The following PKD1L1 variants were observed in gnomAD, a reference collection of about 807,000 sequenced individuals.
The protein encoded by PKD1L1 is polycystin-1-like protein 1.
PKD1L1 carries 236 observed loss-of-function variants against 323.4 expected under a neutral mutation model. The ratio of observed to expected loss-of-function variants is 0.73; its 90% confidence interval spans 0.66 to 0.81. PKD1L1 has a LOEUF of 0.81. Among genes scored for constraint, PKD1L1 ranks in the 40% least tolerant of loss-of-function variants. The pLI is 0.00. For synonymous variants in PKD1L1, 1,344 were observed against 1,335.0 expected (o/e 1.01, Z -0.15); for missense variants, 3,320 against 3,508.0 (o/e 0.95, Z 1.35).
rs2128748641 is a variant in PKD1L1 at position 47,890,436 on chromosome 7, A to T, written c.2675+106T>A. 10 of 1,172,832 alleles carry T rather than the reference A, an allele frequency of 8.5e-6. No homozygotes were observed. The South Asian group carries it at 1.4e-4, about 17-fold the overall frequency. The allele number at this position is 1,172,832 out of a possible 1,614,324, so 72.7% of individuals were successfully genotyped here. A position where few individuals can be genotyped will look rare whatever the true frequency, so the allele number is the denominator to read the frequency against. On this transcript the variant is annotated intron_variant, in intron 16 of 56. Coordinates refer to ENST00000289672, the MANE Select transcript of PKD1L1 (RefSeq NM_138295.5). ...TTGCAGTGAGAATCCTGCATGGCCA[A>T]ACTCCAAACTGCTTGCTGTGCACAG...
intron 1 of PKD1L1, 122 bp downstream of exon 1, chr7:47,948,275 A>T: frequency 8.8e-7 from 1 of 1,137,302 alleles, no homozygotes; most frequent in South Asian, 1.3e-5. Flanking sequence ...CTCCTGGTAC[A>T]GGGCCTCCAC....
chr7:47,871,122 C>T (rs1484378531), intron 24 of PKD1L1, among the ~76,000 whole-genome samples: 2 of 151,974 alleles, frequency 1.3e-5, no homozygotes, highest in African/African-American at 4.8e-5. Flanking sequence ...CAAAAATCCT[C>T]AGAAAAGTAC....
At chr7:47,824,634 T>A (rs543187033) in intron 45 of PKD1L1, among the ~76,000 whole-genome samples, 93 of 152,196 alleles carry the variant, frequency 6.1e-4, no homozygotes, top group Non-Finnish European at 1.0e-3. Context: ...TGGATTGCCT[T>A]TCCCTTGTTT....
intron 21 of PKD1L1, among the ~76,000 whole-genome samples, chr7:47,878,305 T>C (rs188863097): frequency 6.6e-6 from 1 of 152,356 alleles, no homozygotes; most frequent in Non-Finnish European, 1.5e-5. Flanking sequence ...TTAAACATTT[T>C]GCTTATTTTC....
chr7:47,809,904 C>T (rs1784858390), intron 50 of PKD1L1: 1 of 232,294 alleles, frequency 4.3e-6, no homozygotes, highest in African/African-American at 2.2e-5. Context: ...TCCAGTCCTT[C>T]CTTGGCACTG....
At chr7:47,896,444 T>C (rs1465386570) in intron 14 of PKD1L1, among the ~76,000 whole-genome samples, 1 of 151,616 alleles carries the variant, frequency 6.6e-6, no homozygotes, top group Non-Finnish European at 1.5e-5. Context: ...GGGGGCGTAA[T>C]GAGGCATATC....
intron 56 of PKD1L1, among the ~76,000 whole-genome samples, chr7:47,785,885 G>A (rs1012208749): frequency 6.6e-6 from 1 of 151,908 alleles, no homozygotes; most frequent in Non-Finnish European, 1.5e-5. Context: ...GGGATTATAG[G>A]CGCCCATCAC....
At chr7:47,866,936 C>T (rs576666238) in intron 24 of PKD1L1, among the ~76,000 whole-genome samples, 7 of 152,240 alleles carry the variant, frequency 4.6e-5, no homozygotes, top group East Asian at 1.9e-4. Context: ...TACAGCTGGC[C>T]GGAGTTTATG....
intron 7 of PKD1L1, 39 bp downstream of exon 7, chr7:47,929,165 T>C (rs772086073): frequency 2.5e-6 from 4 of 1,581,102 alleles, no homozygotes; most frequent in Non-Finnish European, 3.5e-6. Flanking sequence ...GCTCAGGACC[T>C]CCTTCCCAGG....
At chr7:47,827,072 C>T (rs188229442) in intron 45 of PKD1L1, among the ~76,000 whole-genome samples, 1 of 152,354 alleles carries the variant, frequency 6.6e-6, no homozygotes, top group Non-Finnish European at 1.5e-5. Context: ...AGCTGAGGCC[C>T]AGAGGAGGAA....
intron 17 of PKD1L1, among the ~76,000 whole-genome samples, chr7:47,887,503 A>G (rs774549733): frequency 1.3e-5 from 2 of 152,212 alleles, no homozygotes; most frequent in Non-Finnish European, 2.9e-5. Context: ...GTGAAATAGT[A>G]GGATCCTCAT....
In PKD1L1 at chr7:47,940,244, C is replaced by T; in HGVS notation, c.234G>A (p.Lys78=). 6.2e-7 allele frequency: 1 copy of T among 1,614,136 alleles called. No homozygotes were observed. The highest frequency in any genetic ancestry group is 1.1e-5 in the South Asian group (1 of 91,076). The stretch of plus-strand genomic sequence containing the variant: ...GGCTCTGTGATTCCCGGTCTTCTGC[C>T]TTTCCATTCAGAGCACACCAAGGAC... ...CGCPWCALNG[K]AEDRESQSPS... is the part of the protein sequence containing the mutation. The change falls in exon 3 of 57, where the codon AAG becomes AAA. Residue 78 remains lysine, a synonymous_variant. Transcript: ENST00000289672.
intron 20 of PKD1L1, 127 bp from the exon 21 acceptor site, chr7:47,880,932 C>T: frequency 1.7e-6 from 1 of 572,890 alleles, no homozygotes; most frequent in South Asian, 2.5e-5. Flanking sequence ...ACTAGTGAAA[C>T]ATGCCACTCC....
chr7:47,895,235 C>CA (rs1786910077), intron 14 of PKD1L1, among the ~76,000 whole-genome samples: 1 of 152,186 alleles, frequency 6.6e-6, no homozygotes, highest in South Asian at 2.1e-4. Context: ...AGAAGGTCTC[C>CA]AAGACCTAGA....
Position 47,932,072 on chromosome 7 carries a change from A to G in PKD1L1, c.399-16T>C. On this transcript the variant is annotated splice_polypyrimidine_tract_variant and intron_variant, in intron 4 of 56. Coordinates refer to ENST00000289672, the MANE Select transcript of PKD1L1 (RefSeq NM_138295.5). ...GTGGGGAATTCTGTATGGGAAGGAAAGTGCAGAAAGAAAAGGAAACCCGGT... is the reference window on the plus strand; with the variant it reads ...GTGGGGAATTCTGTATGGGAAGGAAGGTGCAGAAAGAAAAGGAAACCCGGT... 1 of 1,590,430 alleles carries G rather than the reference A, an allele frequency of 6.3e-7. No individual in the cohort carries two copies. Among genetic ancestry groups the G allele is most frequent in the South Asian group, 1.1e-5 (1 of 87,918 alleles).
At chr7:47,905,814 T>A in intron 10 of PKD1L1, 29 bp downstream of exon 10, 2 of 1,609,870 alleles carry the variant, frequency 1.2e-6, no homozygotes, top group African/African-American at 2.7e-5. Flanking sequence ...GAGGTTTTTG[T>A]TAAATCTGGA....
At chr7:47,846,628 G>A (rs572716167) in intron 32 of PKD1L1, among the ~76,000 whole-genome samples, 2 of 152,334 alleles carry the variant, frequency 1.3e-5, no homozygotes, top group East Asian at 1.9e-4. Context: ...CAGTCGGTAC[G>A]GGAAGGAGGA....
chr7:47,902,527 G>A lies in PKD1L1; in HGVS notation c.1932-16C>T. ...TTCTCCTTCCCTGGGACGGTGGAAA[G>A]CACAGAAATGAACAAATTTATGTTG... On this transcript the variant is annotated splice_polypyrimidine_tract_variant and intron_variant, in intron 12 of 56. Transcript: ENST00000289672. The A allele has an allele frequency of 6.2e-7, 1 of 1,612,142 alleles. No homozygotes were observed. The highest frequency in any genetic ancestry group is 8.5e-7 in the Non-Finnish European group (1 of 1,179,196).
At chr7:47,876,016 T>C (rs555966366) in intron 23 of PKD1L1, 81 bp downstream of exon 23, 1 of 1,484,490 alleles carries the variant, frequency 6.7e-7, no homozygotes, top group African/African-American at 1.4e-5. Flanking sequence ...CTAGACACAG[T>C]TTAGTTTTTG....
Sources: allele counts gnomAD v4.1 joint callset (sites outside exome capture counted in the v4.1 genomes callset), GRCh38; gene constraint gnomAD v4.1.1; transcripts MANE v1.5; gene names NCBI Gene and HGNC (gene_info 2026-07-23, HGNC 2026-07-21).